The following RNF139 variants were observed in gnomAD, a reference collection of about 807,000 sequenced individuals.
RNF139 encodes the protein E3 ubiquitin-protein ligase RNF139.
In RNF139, 15 loss-of-function variants were observed where a neutral mutation model predicts 49.5. That is an observed-to-expected ratio of 0.30 (90% CI 0.20 to 0.47). RNF139 has a LOEUF of 0.47. Ranked by LOEUF, RNF139 falls within the 20% of genes least tolerant of loss-of-function variation. The probability of loss-of-function intolerance (pLI) is 1.00; values close to 1 mark genes in which losing one functional copy is unlikely to be tolerated. For synonymous variants in RNF139, 325 were observed against 300.9 expected (o/e 1.08, Z -0.83); for missense variants, 619 against 806.3 (o/e 0.77, Z 2.81).
Position 124,487,645 on chromosome 8 carries a change from T to C in RNF139, c.*1T>C, listed in dbSNP as rs929848815. The C allele has an allele frequency of 6.3e-7, 1 of 1,586,952 alleles. No homozygotes were observed. Among genetic ancestry groups the C allele is most frequent in the Non-Finnish European group, 8.6e-7 (1 of 1,167,338 alleles). ...AGAATTTAATGATGATACTGACTGATGAAAATAGCATTTATTAATGATTGA... is the reference window on the plus strand; with the variant it reads ...AGAATTTAATGATGATACTGACTGACGAAAATAGCATTTATTAATGATTGA... On this transcript the variant is annotated 3_prime_UTR_variant, in exon 2 of 2. Transcript: ENST00000303545.
At position 124,487,924 on chromosome 8, in the gene RNF139, T is replaced by C. The variant is rs1816569706; in HGVS notation, c.*280T>C. ...AAAATTTGAACAAATAGCTTTTTAA[T>C]AGATGTAATGATCATATGGTGCGTC... On this transcript the variant is annotated 3_prime_UTR_variant, in exon 2 of 2. Coordinates refer to ENST00000303545, the MANE Select transcript of RNF139 (RefSeq NM_007218.4). The C allele has an allele frequency of 6.4e-6, 2 of 311,654 alleles. No homozygotes were observed. Among genetic ancestry groups the C allele is most frequent in the Admixed American group, 4.6e-5 (1 of 21,848 alleles). The allele number at this position is 311,654 out of a possible 1,614,324, so 19.3% of individuals were successfully genotyped here. A position where few individuals can be genotyped will look rare whatever the true frequency, so the allele number is the denominator to read the frequency against.
intron 1 of RNF139, among the ~76,000 whole-genome samples, chr8:124,483,857 A>T (rs1816489452): frequency 6.6e-6 from 1 of 152,180 alleles, no homozygotes; most frequent in African/African-American, 2.4e-5. Flanking sequence ...AAACATCCAG[A>T]TGTGACAGAC....
chr8:124,487,350 C>T lies in RNF139; in HGVS notation c.1701C>T (p.Phe567=). 1 of 1,614,120 alleles carries T rather than the reference C, an allele frequency of 6.2e-7. No individual in the cohort carries two copies. The highest frequency in any genetic ancestry group is 8.5e-7 in the Non-Finnish European group (1 of 1,179,996). The change falls in exon 2 of 2, where the codon TTC becomes TTT. Residue 567 remains phenylalanine, a synonymous_variant. Coordinates refer to ENST00000303545, the MANE Select transcript of RNF139 (RefSeq NM_007218.4). ...SARITPCNHY[F]HALCLRKWLY... ...GTATTACACCGTGTAATCATTATTT[C>T]CATGCACTTTGCCTTCGGAAATGGC...
rs754721502 is a variant in RNF139 at position 124,486,383 on chromosome 8, G to C, written c.734G>C (p.Arg245Thr). 1 of 1,614,156 alleles carries C rather than the reference G, an allele frequency of 6.2e-7. No individual in the cohort carries two copies. Among genetic ancestry groups the C allele is most frequent in the South Asian group, 1.1e-5 (1 of 91,076 alleles). Residue 245 changes from arginine (R) to threonine (T), a missense_variant, in exon 2 of 2, where the codon AGA becomes ACA. Transcript: ENST00000303545. ...PDILRVFWLT[R>T]VTAQATVLMY... ...ATACTACGAGTCTTTTGGCTAACAAGAGTTACAGCTCAGGCTACAGTGTTA... is the reference window on the plus strand; with the variant it reads ...ATACTACGAGTCTTTTGGCTAACAACAGTTACAGCTCAGGCTACAGTGTTA...
chr8:124,487,386 A>G lies in RNF139; in HGVS notation c.1737A>G (p.Gln579=), dbSNP rs1816555184. Residue 579 remains glutamine (Q), a synonymous_variant, in exon 2 of 2, where the codon CAA becomes CAG. Transcript: ENST00000303545. Reference sequence around the variant, plus strand: ...GCCTTCGGAAATGGCTGTACATTCAAGATACTTGTCCAATGTGCCATCAGA... The same window carrying G: ...GCCTTCGGAAATGGCTGTACATTCAGGATACTTGTCCAATGTGCCATCAGA... ...ALCLRKWLYI[Q]DTCPMCHQKV... The G allele has an allele frequency of 1.2e-6, 2 of 1,614,182 alleles. No individual in the cohort carries two copies. Among genetic ancestry groups the G allele is most frequent in the African/African-American group, 1.3e-5 (1 of 75,064 alleles).
At position 124,475,079 on chromosome 8, in the gene RNF139, G is replaced by C; in HGVS notation, c.-31G>C. On this transcript the variant is annotated 5_prime_UTR_variant, in exon 1 of 2. Coordinates refer to ENST00000303545, the MANE Select transcript of RNF139 (RefSeq NM_007218.4). ...GGCCCTGCCCCGCGCGGCCCTGCCC[G>C]GCCCACCGAGCCCTGGTGTGGCAGC... 6.8e-7 allele frequency: 1 copy of C among 1,470,094 alleles called. No homozygotes were observed. The highest frequency in any genetic ancestry group is 1.3e-5 in the South Asian group (1 of 75,794). The allele number at this position is 1,470,094 out of a possible 1,614,324, so 91.1% of individuals were successfully genotyped here.
intron 1 of RNF139, among the ~76,000 whole-genome samples, chr8:124,480,504 C>A (rs1186077161): frequency 6.6e-6 from 1 of 150,842 alleles, no homozygotes; most frequent in Non-Finnish European, 1.5e-5. Flanking sequence ...ACAAAGGACA[C>A]AGATGAATTA....
Position 124,488,112 on chromosome 8 carries a change from T to C in RNF139, c.*468T>C, listed in dbSNP as rs909715635. On this transcript the variant is annotated 3_prime_UTR_variant, in exon 2 of 2. Transcript: ENST00000303545. ...GGATAAAGGACATGAGAGAGTATTT[T>C]AAAACTAAAGAAAAAATTAGCTGCC... is the stretch of plus-strand genomic sequence containing the variant. 7.9e-5 allele frequency among the ~76,000 whole-genome samples: 12 copies of C among 152,166 alleles called. No homozygotes were observed. Among genetic ancestry groups the C allele is most frequent in the African/African-American group, 2.9e-4 (12 of 41,442 alleles).
At chr8:124,483,073 T>TATTTATATATA (rs374935639) in intron 1 of RNF139, among the ~76,000 whole-genome samples, 1 of 37,640 alleles carries the variant, frequency 2.7e-5, no homozygotes, top group East Asian at 7.4e-4. Flanking sequence ...TATATATATA[T>TATTTATATATA]TATTTAAATA....
intron 1 of RNF139, among the ~76,000 whole-genome samples, chr8:124,485,192 C>G (rs1022858415): frequency 1.6e-4 from 25 of 152,136 alleles, no homozygotes; most frequent in African/African-American, 5.5e-4. Flanking sequence ...GGTGAAACCC[C>G]GTCTCTACTA....
Position 124,486,300 on chromosome 8 carries a change from A to C in RNF139, c.651A>C (p.Arg217=). Residue 217 remains arginine (R), a synonymous_variant, in exon 2 of 2, where the codon CGA becomes CGC. Coordinates refer to ENST00000303545, the MANE Select transcript of RNF139 (RefSeq NM_007218.4). ...YVYLLVRHMY[R]IYGLQLLMED... is the part of the protein sequence containing the mutation. Reference sequence around the variant, plus strand: ...ATCTTTTGGTGAGGCACATGTATCGAATTTACGGATTACAGTTATTGATGG... The same window carrying C: ...ATCTTTTGGTGAGGCACATGTATCGCATTTACGGATTACAGTTATTGATGG... 1 of 1,614,120 alleles carries C rather than the reference A, an allele frequency of 6.2e-7. No homozygotes were observed. Among genetic ancestry groups the C allele is most frequent in the Non-Finnish European group, 8.5e-7 (1 of 1,180,006 alleles).
At chr8:124,477,934 T>C (rs1226202695) in intron 1 of RNF139, among the ~76,000 whole-genome samples, 1 of 152,092 alleles carries the variant, frequency 6.6e-6, no homozygotes, top group Non-Finnish European at 1.5e-5. Flanking sequence ...AATAAAAAGC[T>C]TTTTTATGGC....
In RNF139 at chr8:124,488,614, C is replaced by CT. The variant is rs745920719; in HGVS notation, c.*973dup. The CT allele has an allele frequency of 1.9e-6, 3 of 1,563,440 alleles. No individual in the cohort carries two copies. In the South Asian group the frequency reaches 3.4e-5, roughly 18 times the overall value. The stretch of plus-strand genomic sequence containing the variant: ...ACCAATTATATTCCAGGAAAAAATA[C>CT]TTTAATAGTATTGTTATATAGTGTA... On this transcript the variant is annotated 3_prime_UTR_variant, in exon 2 of 2. Transcript: ENST00000303545.
rs1816519697 is a variant in RNF139, at chr8:124,485,890, A to G, written c.241A>G (p.Thr81Ala). 3.7e-6 allele frequency: 6 copies of G among 1,613,842 alleles called. No homozygotes were observed. The South Asian group carries it at 5.5e-5, about 15-fold the overall frequency. The change falls in exon 2 of 2, where the codon ACG (threonine) becomes GCG (alanine). Residue 81 changes from threonine (T) to alanine (A), a missense_variant. This residue lies in a region of RNF139 where 530 missense variants were observed against 728.9 expected (regional missense o/e 0.73). Transcript: ENST00000303545. ...ACAACGATCACTTTTCAAGTTTTAC[A>G]CGTACAGCTCAGCCTTTCTGTTAGC... is the stretch of plus-strand genomic sequence containing the variant. ...LSQRSLFKFY[T>A]YSSAFLLAAT...
intron 1 of RNF139, among the ~76,000 whole-genome samples, chr8:124,478,135 C>CT (rs1360926422): frequency 2.0e-5 from 3 of 148,196 alleles, no homozygotes; most frequent in Non-Finnish European, 1.5e-5. Context: ...GAGTGAGACT[C>CT]TGTCTAAAAA....
Position 124,485,870 on chromosome 8 carries a change from G to A in RNF139, c.221G>A (p.Arg74Gln). ...AGTATTGTTCTGATCTTGTCACAAC[G>A]ATCACTTTTCAAGTTTTACACGTAC... Reference protein sequence around the residue: ...ASSIVLILSQRSLFKFYTYSS... With the variant: ...ASSIVLILSQQSLFKFYTYSS... Residue 74 changes from arginine to glutamine, a missense_variant, in exon 2 of 2, where the codon CGA becomes CAA. Arg to Gln is a conservative substitution (Grantham distance 43). Transcript: ENST00000303545. 3 of 1,613,142 alleles carry A rather than the reference G, an allele frequency of 1.9e-6. No homozygotes were observed. The highest frequency in any genetic ancestry group is 2.5e-6 in the Non-Finnish European group (3 of 1,179,268).
In RNF139 at chr8:124,486,447, C is replaced by T; in HGVS notation, c.798C>T (p.Phe266=). ...ILRMANETDS[F]FISWDDFWDL... ...GGATGGCAAATGAAACTGATTCCTT[C>T]TTTATTTCTTGGGATGATTTTTGGG... The change falls in exon 2 of 2, where the codon TTC becomes TTT. Residue 266 remains phenylalanine, a synonymous_variant. Transcript: ENST00000303545. The T allele has an allele frequency of 6.2e-7, 1 of 1,614,064 alleles. No homozygotes were observed. Among genetic ancestry groups the T allele is most frequent in the African/African-American group, 1.3e-5 (1 of 75,042 alleles).
chr8:124,487,441 A>G lies in RNF139; in HGVS notation c.1792A>G (p.Asn598Asp), dbSNP rs773321905. 3 of 1,614,140 alleles carry G rather than the reference A, an allele frequency of 1.9e-6. No individual in the cohort carries two copies. The highest frequency in any genetic ancestry group is 2.2e-5 in the East Asian group (1 of 44,878). ...ATACATCGAAGATGATATCAAGGAT[A>G]ATTCAAATGTATCTAACAACAATGG... ...KVYIEDDIKD[N>D]SNVSNNNGFI... The change falls in exon 2 of 2, where the codon AAT becomes GAT. Residue 598 changes from asparagine to aspartate, a missense_variant. This residue lies in a region of RNF139 where 530 missense variants were observed against 728.9 expected (regional missense o/e 0.73). Coordinates refer to ENST00000303545, the MANE Select transcript of RNF139 (RefSeq NM_007218.4).
At position 124,475,012 on chromosome 8, in the gene RNF139, C is replaced by A; in HGVS notation, c.-98C>A. 1.4e-6 allele frequency: 1 copy of A among 708,418 alleles called. No individual in the cohort carries two copies. Among genetic ancestry groups the A allele is most frequent in the Non-Finnish European group, 1.9e-6 (1 of 519,624 alleles). 43.9% of individuals were successfully genotyped at this position (708,418 alleles called of 1,614,324 possible). ...GACAGGAGAGGAAGGAGGGCAGGGG[C>A]GGAGTTGCCCGCCTTAGCCCCCGCC... is the stretch of plus-strand genomic sequence containing the variant. On this transcript the variant is annotated 5_prime_UTR_variant, in exon 1 of 2. Coordinates refer to ENST00000303545, the MANE Select transcript of RNF139 (RefSeq NM_007218.4).
Sources: gnomAD v4.1 joint callset for allele counts (sites outside exome capture counted in the v4.1 genomes callset) on GRCh38, gnomAD v4.1.1 for gene constraint, gnomAD v4.1.1 regional missense constraint, MANE v1.5 for transcripts, NCBI Gene and HGNC (gene_info 2026-07-23, HGNC 2026-07-21) for gene names.